NRP2: variants seen among roughly 807,000 people sequenced by gnomAD.
NRP2 encodes neuropilin-2.
A neutral mutation model predicts 110.4 loss-of-function variants in NRP2; 52 were observed. The observed-to-expected ratio is 0.47, with a 90% CI of 0.38 to 0.59. The LOEUF (loss-of-function observed/expected upper bound fraction) is 0.59. Among genes scored for constraint, NRP2 ranks in the 20% least tolerant of loss-of-function variants. NRP2 has a pLI of 0.00. For synonymous variants in NRP2, 508 were observed against 468.9 expected, an observed-to-expected ratio of 1.08 and a Z score of -1.08; for missense variants, 1,049 against 1,203.0, an observed-to-expected ratio of 0.87 and a Z score of 1.89.
At chr2:205,709,784 G>T (rs1296511842) in intron 2 of NRP2, among the ~76,000 whole-genome samples, 3 of 152,102 alleles carry the variant, frequency 2.0e-5, no homozygotes, top group African/African-American at 7.2e-5. Flanking sequence ...AGAAATCCCC[G>T]CATTTAAGAA....
chr2:205,707,188 G>A (rs1313026216), intron 2 of NRP2, among the ~76,000 whole-genome samples: 1 of 152,258 alleles, frequency 6.6e-6, no homozygotes, highest in Non-Finnish European at 1.5e-5. Flanking sequence ...CTGGGATGGG[G>A]AGAGAAGGTG....
At position 205,725,898 on chromosome 2, in the gene NRP2, G is replaced by A. The variant is rs199540023; in HGVS notation, c.821-15G>A. 1.7e-4 allele frequency: 278 copies of A among 1,613,746 alleles called. No homozygotes were observed. The African/African-American group carries it at 2.7e-3, about 15-fold the overall frequency. Reference sequence around the variant, plus strand: ...TTGGAAGGCCTAACTGCATTTGACCGTCTGCTTTCCCCAGACTTTCAGTGC... The same window carrying A: ...TTGGAAGGCCTAACTGCATTTGACCATCTGCTTTCCCCAGACTTTCAGTGC... On this transcript the variant is annotated splice_polypyrimidine_tract_variant and intron_variant, in intron 5 of 16. Transcript: ENST00000357785. The surrounding 1 kb of genome is among the most constrained non-coding windows in gnomAD (Gnocchi z 4.1).
intron 2 of NRP2, among the ~76,000 whole-genome samples, chr2:205,712,047 C>A (rs1330874080): frequency 6.6e-6 from 1 of 152,176 alleles, no homozygotes; most frequent in African/African-American, 2.4e-5. Flanking sequence ...CAAAATTTCC[C>A]ATGGCCCAAA....
At chr2:205,714,593 C>T (rs1258176471) in intron 2 of NRP2, among the ~76,000 whole-genome samples, 1 of 152,180 alleles carries the variant, frequency 6.6e-6, no homozygotes, top group Non-Finnish European at 1.5e-5. Context: ...AAGTCAGCAC[C>T]ATCTCCCACA....
chr2:205,744,411 T>C (rs2057500787), intron 9 of NRP2, among the ~76,000 whole-genome samples: 1 of 152,230 alleles, frequency 6.6e-6, no homozygotes, highest in African/African-American at 2.4e-5. Flanking sequence ...TAGTTTTGAC[T>C]GCTTAGATCT....
chr2:205,683,117 A>G lies in NRP2; in HGVS notation c.-174A>G. On this transcript the variant is annotated 5_prime_UTR_variant, in exon 1 of 17. Coordinates refer to ENST00000357785, the MANE Select transcript of NRP2 (RefSeq NM_003872.3). ...AGCTACTCTCCTCCTGGTGAGGTGG[A>G]AATTCCAGCAAGAATAGAGGTGAAG... 1 of 605,148 alleles carries G rather than the reference A, an allele frequency of 1.7e-6. No homozygotes were observed. Among genetic ancestry groups the G allele is most frequent in the Non-Finnish European group, 2.9e-6 (1 of 340,310 alleles). 37.5% of individuals were successfully genotyped at this position (605,148 alleles called of 1,614,324 possible). A position where few individuals can be genotyped will look rare whatever the true frequency, so the allele number is the denominator to read the frequency against.
intron 2 of NRP2, among the ~76,000 whole-genome samples, chr2:205,712,880 G>T (rs2056825928): frequency 6.6e-6 from 1 of 152,140 alleles, no homozygotes; most frequent in African/African-American, 2.4e-5. Flanking sequence ...TTCAAGTAAG[G>T]TTTGTTGATT....
chr2:205,778,471 C>CGA (rs2058132944), intron 15 of NRP2: 3 of 152,322 alleles, frequency 2.0e-5, no homozygotes, highest in Admixed American at 1.3e-4. Context: ...TGTCCTACCT[C>CGA]AGCTGAAGAT....
At chr2:205,698,162 A>G (rs1426374084) in intron 2 of NRP2, among the ~76,000 whole-genome samples, 1 of 151,838 alleles carries the variant, frequency 6.6e-6, no homozygotes, top group Non-Finnish European at 1.5e-5. Context: ...CCAGCCACGC[A>G]GGATCAGCCT....
At chr2:205,794,342 C>T (rs1191516050) in intron 16 of NRP2, among the ~76,000 whole-genome samples, 2 of 152,088 alleles carry the variant, frequency 1.3e-5, no homozygotes, top group East Asian at 1.9e-4. Flanking sequence ...GATCTCTTGA[C>T]CTCGTGATCT....
Position 205,790,609 on chromosome 2 carries a change from A to G in NRP2, c.2426-1626A>G, listed in dbSNP as rs117083053. ...GTTAAGACATATGAGCAGCCCATCAAACCAATTAATTGTTGGAAATGTGAC... is the reference window on the plus strand; with the variant it reads ...GTTAAGACATATGAGCAGCCCATCAGACCAATTAATTGTTGGAAATGTGAC... On this transcript the variant is annotated intron_variant, in intron 15 of 16. Coordinates refer to ENST00000357785, the MANE Select transcript of NRP2 (RefSeq NM_003872.3). Among the ~76,000 whole-genome samples the G allele has an allele frequency of 2.3e-3, 351 of 151,638 alleles. 7 individuals are homozygous for G. In the South Asian group the frequency reaches 0.031, roughly 13 times the overall value.
intron 15 of NRP2, among the ~76,000 whole-genome samples, chr2:205,790,710 T>C (rs997164426): frequency 6.6e-6 from 1 of 151,832 alleles, no homozygotes; most frequent in Non-Finnish European, 1.5e-5. Context: ...CTCGATTTGA[T>C]CCCTGTGACA....
intron 2 of NRP2, among the ~76,000 whole-genome samples, chr2:205,712,106 T>C (rs1246357217): frequency 1.3e-5 from 2 of 152,084 alleles, no homozygotes; most frequent in African/African-American, 4.8e-5. Context: ...AGAAAGAAAG[T>C]AGAGAAAGCA....
chr2:205,748,918 G>A (rs1343940155), intron 10 of NRP2, among the ~76,000 whole-genome samples: 1 of 152,228 alleles, frequency 6.6e-6, no homozygotes, highest in African/African-American at 2.4e-5. Context: ...TAGAGCTGAG[G>A]TCAAAACCCC....
At position 205,792,245 on chromosome 2, in the gene NRP2, A is replaced by G; in HGVS notation, c.2436A>G (p.Pro812=). 3 of 1,592,608 alleles carry G rather than the reference A, an allele frequency of 1.9e-6. No homozygotes were observed. The highest frequency in any genetic ancestry group is 2.6e-6 in the Non-Finnish European group (3 of 1,160,394). The stretch of plus-strand genomic sequence containing the variant: ...TTCTTTATATTATAGTGGACATCCC[A>G]GAAATACATGAGAGAGAAGGATATG... ...EPISAFAVDI[P]EIHEREGYED... Residue 812 remains proline (P), a synonymous_variant, in exon 16 of 17, where the codon CCA becomes CCG. Coordinates refer to ENST00000357785, the MANE Select transcript of NRP2 (RefSeq NM_003872.3).
In NRP2 at chr2:205,716,332, C is replaced by T; in HGVS notation, c.391C>T (p.Gln131Ter). ...YIKFTSDYAR[Q>*]GAGFSLRYEI... is the part of the protein sequence containing the mutation. Reference sequence around the variant, plus strand: ...CAAGTTCACCTCCGACTACGCCCGGCAGGGGGCAGGCTTCTCTCTGCGCTA... The same window carrying T: ...CAAGTTCACCTCCGACTACGCCCGGTAGGGGGCAGGCTTCTCTCTGCGCTA... The change falls in exon 3 of 17, where the codon CAG (glutamine) becomes TAG (stop). Residue 131 changes from glutamine to a stop codon, truncating the protein, a stop_gained. Coordinates refer to ENST00000357785, the MANE Select transcript of NRP2 (RefSeq NM_003872.3). LOFTEE classifies it high-confidence loss of function. 1 of 1,614,148 alleles carries T rather than the reference C, an allele frequency of 6.2e-7. No homozygotes were observed. The highest frequency in any genetic ancestry group is 8.5e-7 in the Non-Finnish European group (1 of 1,180,030).
chr2:205,700,789 A>G lies in NRP2; in HGVS notation c.251+3068A>G, dbSNP rs375002406. On this transcript the variant is annotated intron_variant, in intron 2 of 16. Transcript: ENST00000357785. ...AATCCAAGGCCACCATCTCTGGTGA[A>G]CTTCCCTTGACTCCTCCCTCCAGCC... 49 of 517,088 alleles carry G rather than the reference A, an allele frequency of 9.5e-5. No individual in the cohort carries two copies. In the East Asian group the frequency reaches 2.7e-3, roughly 28 times the overall value. 32.0% of individuals were successfully genotyped at this position (517,088 alleles called of 1,614,324 possible).
intron 1 of NRP2, among the ~76,000 whole-genome samples, chr2:205,694,475 C>A (rs758082218): frequency 5.3e-5 from 8 of 152,136 alleles, no homozygotes; most frequent in Non-Finnish European, 7.4e-5. Context: ...GATGAATTTG[C>A]CCCAGGTGAA....
In NRP2 at chr2:205,699,993, A is replaced by G. The variant is rs142872524; in HGVS notation, c.251+2272A>G. Among the ~76,000 whole-genome samples the G allele has an allele frequency of 8.2e-4, 107 of 129,932 alleles. 2 individuals are homozygous for G. In the East Asian group the frequency reaches 0.016, roughly 20 times the overall value. The allele number at this position is 129,932 out of a possible 152,430, so 85.2% of individuals were successfully genotyped here. ...CCATTTCTCTCTCTTTCTCTCTCTC[A>G]TTAATTTTTGTATTTAGAAAGACTC... On this transcript the variant is annotated intron_variant, in intron 2 of 16. Coordinates refer to ENST00000357785, the MANE Select transcript of NRP2 (RefSeq NM_003872.3).
Sources: gnomAD v4.1 joint callset for allele counts (sites outside exome capture counted in the v4.1 genomes callset) on GRCh38, gnomAD v4.1.1 for gene constraint, Gnocchi (gnomAD v3.1) non-coding constraint, MANE v1.5 for transcripts, NCBI Gene and HGNC (gene_info 2026-07-23, HGNC 2026-07-21) for gene names.